The following RALGAPA1 variants were observed in gnomAD, a reference collection of about 807,000 sequenced individuals.
The protein encoded by RALGAPA1 is Ral GTPase activating protein catalytic subunit alpha 1, also known as ral GTPase-activating protein subunit alpha-1.
A neutral mutation model predicts 269.6 loss-of-function variants in RALGAPA1; 52 were observed. The observed-to-expected ratio is 0.19, with a 90% CI of 0.15 to 0.24. The LOEUF is 0.24. Ranked by LOEUF, RALGAPA1 falls within the 10% of genes least tolerant of loss-of-function variation. The pLI is 1.00. For missense variants in RALGAPA1, 1,917 were observed against 3,013.9 expected (o/e 0.64, Z 8.52); for synonymous variants, 817 against 1,008.3 (o/e 0.81, Z 3.60).
In RALGAPA1 at chr14:35,689,024, C is replaced by G. The variant is rs1052244562; in HGVS notation, c.3387G>C (p.Leu1129Phe). 3.6e-5 allele frequency: 45 copies of G among 1,236,208 alleles called. No homozygotes were observed. Among genetic ancestry groups the G allele is most frequent in the Non-Finnish European group, 4.4e-5 (44 of 990,366 alleles). 76.6% of individuals were successfully genotyped at this position (1,236,208 alleles called of 1,614,324 possible). Residue 1129 changes from leucine (L) to phenylalanine (F), a missense_variant, in exon 18 of 42, where the codon TTG (leucine) becomes TTC (phenylalanine). By Grantham distance (22) the Leu-to-Phe change is conservative. Transcript: ENST00000680220. Reference protein sequence around the residue: ...TSKLSPTKRSLSETVTHRAKI... With the variant: ...TSKLSPTKRSFSETVTHRAKI... ...TGGCTCTATGAGTTACTGTTTCAGACAAGCTCCTTTTAGTTGGAGAAAGTT... is the reference window on the plus strand; with the variant it reads ...TGGCTCTATGAGTTACTGTTTCAGAGAAGCTCCTTTTAGTTGGAGAAAGTT...
At chr14:35,788,741 A>G (rs2075967543) in intron 1 of RALGAPA1, among the ~76,000 whole-genome samples, 1 of 152,202 alleles carries the variant, frequency 6.6e-6, no homozygotes, top group Admixed American at 6.5e-5. Context: ...TTTCAGTTAA[A>G]GTCCTGTTTT....
chr14:35,621,650 C>T (rs1412765572), intron 35 of RALGAPA1, among the ~76,000 whole-genome samples: 1 of 151,932 alleles, frequency 6.6e-6, no homozygotes, highest in Admixed American at 6.6e-5. Flanking sequence ...CTACAATGAA[C>T]TCAAACAAAT....
chr14:35,763,158 T>C (rs902076534), intron 4 of RALGAPA1, among the ~76,000 whole-genome samples: 1 of 152,138 alleles, frequency 6.6e-6, no homozygotes, highest in African/African-American at 2.4e-5. Flanking sequence ...ATTTCCATTA[T>C]ACTAATTTTC....
intron 36 of RALGAPA1, among the ~76,000 whole-genome samples, chr14:35,596,581 A>C (rs2058943535): frequency 1.3e-5 from 2 of 152,166 alleles, no homozygotes; most frequent in African/African-American, 4.8e-5. Flanking sequence ...GCACCATATG[A>C]ACTGAACACA....
chr14:35,688,432 T>G lies in RALGAPA1; in HGVS notation c.3952+27A>C, dbSNP rs888837460. 3.3e-6 allele frequency: 5 copies of G among 1,536,116 alleles called. No individual in the cohort carries two copies. In the East Asian group the frequency reaches 1.2e-4, roughly 38 times the overall value. ...CAAACTGGTGCTGTCTTTCTCCTTT[T>G]GCGCTCTGCACACTGTTAGTGCTCA... On this transcript the variant is annotated intron_variant, in intron 18 of 41. Transcript: ENST00000680220.
At chr14:35,699,341 G>A (rs1459959213) in intron 17 of RALGAPA1, among the ~76,000 whole-genome samples, 1 of 152,150 alleles carries the variant, frequency 6.6e-6, no homozygotes, top group African/African-American at 2.4e-5. Context: ...ACTCAAAAAG[G>A]TCACTGGGAA....
At chr14:35,672,800 CA>C (rs2064583157) in intron 25 of RALGAPA1, 66 bp downstream of exon 25, 4 of 1,369,888 alleles carry the variant, frequency 2.9e-6, no homozygotes, top group African/African-American at 1.5e-5. Context: ...AAGAGTTAAA[CA>C]GAATCAAGAA....
intron 4 of RALGAPA1, chr14:35,766,404 T>C (rs1055567874): frequency 1.3e-6 from 2 of 1,566,482 alleles, no homozygotes; most frequent in African/African-American, 2.7e-5. Flanking sequence ...ACTGGAATTA[T>C]CAAGTGAAGT....
rs565749647 is a variant in RALGAPA1 at position 35,558,150 on chromosome 14, A to C, written c.7497-8916T>G. Among the ~76,000 whole-genome samples the C allele has an allele frequency of 2.0e-5, 3 of 152,318 alleles. No homozygotes were observed. The South Asian group carries it at 6.2e-4, about 32-fold the overall frequency. On this transcript the variant is annotated intron_variant, in intron 39 of 41. Transcript: ENST00000680220. Reference sequence around the variant, plus strand: ...ATTAAAAAAAATCCAACCAGAGGGAATTCAATGAGTGAGATAATCATACAC... The same window carrying C: ...ATTAAAAAAAATCCAACCAGAGGGACTTCAATGAGTGAGATAATCATACAC...
chr14:35,599,389 C>T (rs1392943472), intron 36 of RALGAPA1, among the ~76,000 whole-genome samples: 1 of 152,146 alleles, frequency 6.6e-6, no homozygotes, highest in Non-Finnish European at 1.5e-5. Flanking sequence ...CTCTAAGTTT[C>T]TCTTCATTTG....
intron 12 of RALGAPA1, among the ~76,000 whole-genome samples, chr14:35,735,448 G>A (rs2070889720): frequency 6.6e-6 from 1 of 152,198 alleles, no homozygotes; most frequent in Admixed American, 6.5e-5. Context: ...TCTAAGTGAA[G>A]TAACTCAGGA....
Position 35,683,972 on chromosome 14 carries a change from T to A in RALGAPA1, c.4308A>T (p.Gly1436=). The change falls in exon 21 of 42, where the codon GGA becomes GGT. Residue 1436 remains glycine, a synonymous_variant. Transcript: ENST00000680220. ...DGRKFDNFGF[G]TDTGVTSSAD... ...CAGAGGACGTAACCCCAGTGTCGGT[T>A]CCAAAGCCAAAATCTATAGGAAGAA... is the stretch of plus-strand genomic sequence containing the variant. 1 of 1,607,818 alleles carries A rather than the reference T, an allele frequency of 6.2e-7. No individual in the cohort carries two copies. Among genetic ancestry groups the A allele is most frequent in the Non-Finnish European group, 8.5e-7 (1 of 1,177,644 alleles).
chr14:35,773,905 A>AATTATAATT (rs1555435957), intron 3 of RALGAPA1, among the ~76,000 whole-genome samples: 3 of 151,134 alleles, frequency 2.0e-5, no homozygotes, highest in African/African-American at 7.3e-5. Context: ...CTAAAGAGTG[A>AATTATAATT]ATTATTATTA....
chr14:35,605,569 T>C lies in RALGAPA1; in HGVS notation c.7053+17A>G, dbSNP rs559174384. 1 of 1,567,274 alleles carries C rather than the reference T, an allele frequency of 6.4e-7. No individual in the cohort carries two copies. Among genetic ancestry groups the C allele is most frequent in the Non-Finnish European group, 8.6e-7 (1 of 1,164,592 alleles). On this transcript the variant is annotated intron_variant, in intron 36 of 41. Coordinates refer to ENST00000680220, the MANE Select transcript of RALGAPA1 (RefSeq NM_001346249.2). Reference sequence around the variant, plus strand: ...TGCTTCCAAATATAAATATTTCGTATAATTTAAAAATAATACCTCCCAACC... The same window carrying C: ...TGCTTCCAAATATAAATATTTCGTACAATTTAAAAATAATACCTCCCAACC...
At position 35,756,927 on chromosome 14, in the gene RALGAPA1, A is replaced by T; in HGVS notation, c.548-19T>A. The T allele has an allele frequency of 6.5e-7, 1 of 1,540,804 alleles. No individual in the cohort carries two copies. The highest frequency in any genetic ancestry group is 8.7e-7 in the Non-Finnish European group (1 of 1,143,520). On this transcript the variant is annotated intron_variant, in intron 6 of 41. Coordinates refer to ENST00000680220, the MANE Select transcript of RALGAPA1 (RefSeq NM_001346249.2). ...ACTTGAGCTATCCAAAGACAAAAGA[A>T]TAGTATATAGTTACAAAACAAATTT...
chr14:35,737,813 A>G (rs1430710676), intron 12 of RALGAPA1, among the ~76,000 whole-genome samples: 1 of 137,016 alleles, frequency 7.3e-6, no homozygotes, highest in Non-Finnish European at 1.5e-5. Context: ...ACAGCCAGGC[A>G]TGGTGGCTCA....
At chr14:35,755,947 A>G (rs1293308955) in intron 7 of RALGAPA1, among the ~76,000 whole-genome samples, 3 of 152,200 alleles carry the variant, frequency 2.0e-5, no homozygotes, top group African/African-American at 4.8e-5. Context: ...TTTTATATCT[A>G]AAGGTGAATA....
At chr14:35,794,237 G>T (rs1332660619) in intron 1 of RALGAPA1, among the ~76,000 whole-genome samples, 1 of 152,094 alleles carries the variant, frequency 6.6e-6, no homozygotes, top group African/African-American at 2.4e-5. Flanking sequence ...CACTTTGGGA[G>T]GTCGAGGCGG....
chr14:35,604,243 A>G (rs1177150887), intron 36 of RALGAPA1, among the ~76,000 whole-genome samples: 1 of 152,056 alleles, frequency 6.6e-6, no homozygotes, highest in African/African-American at 2.4e-5. Context: ...CTCAATAACG[A>G]CAGAGTATAC....
Sources: allele counts gnomAD v4.1 joint callset (sites outside exome capture counted in the v4.1 genomes callset), GRCh38; gene constraint gnomAD v4.1.1; transcripts MANE v1.5; gene names NCBI Gene and HGNC (gene_info 2026-07-23, HGNC 2026-07-21).